Variants in DDX49 observed in about 807,000 individuals in gnomAD.
DDX49 encodes probable ATP-dependent RNA helicase DDX49.
DDX49 carries 50 observed loss-of-function variants against 56.3 expected under a neutral mutation model. That is an observed-to-expected ratio of 0.89 (90% CI 0.71 to 1.12). DDX49 has a LOEUF of 1.12. Among genes scored for constraint, DDX49 ranks in the 50% most tolerant of loss-of-function variants. DDX49 has a pLI of 0.00. For synonymous variants in DDX49, 269 were observed against 270.6 expected (o/e 0.99, Z 0.06); for missense variants, 614 against 650.5 (o/e 0.94, Z 0.61).
In DDX49 at chr19:18,922,396, TG is replaced by T. The variant is rs756207048; in HGVS notation, c.520del (p.Ala174ArgfsTer16). ...TDFTVDLEAILAAVPARRQTL... is the reference protein window; with the variant it reads ...TDFTVDLEAIXAAVPARRQTL... ...TTCACCGTGGACCTGGAGGCCATCC[TG>T]GCGGCTGTGCCGGCCCGCAGGCAGA... On this transcript the variant is annotated frameshift_variant, in exon 5 of 13. Transcript: ENST00000247003. LOFTEE classifies it high-confidence loss of function. The T allele has an allele frequency of 3.7e-6, 6 of 1,611,260 alleles. No homozygotes were observed. Among genetic ancestry groups the T allele is most frequent in the Non-Finnish European group, 5.1e-6 (6 of 1,179,636 alleles).
Position 18,924,907 on chromosome 19 carries a change from G to T in DDX49, c.955G>T (p.Val319Leu), listed in dbSNP as rs1302428215. The T allele has an allele frequency of 6.2e-7, 1 of 1,613,094 alleles. No individual in the cohort carries two copies. The change falls in exon 9 of 13, where the codon GTG becomes TTG. Residue 319 changes from valine to leucine, a missense_variant. Transcript: ENST00000247003. The stretch of plus-strand genomic sequence containing the variant: ...GGGCCTGGACATCCCTACGGTACAG[G>T]TGGTCATCAACCACAACACCCCCGG... The part of the protein sequence containing the change: ...SRGLDIPTVQ[V>L]VINHNTPGLP...
chr19:18,920,146 G>A (rs2056902351), intron 1 of DDX49, among the ~76,000 whole-genome samples: 1 of 152,164 alleles, frequency 6.6e-6, no homozygotes, highest in African/African-American at 2.4e-5. Flanking sequence ...CTGCAGACCT[G>A]GTACTGCTAT....
chr19:18,927,923 C>A (rs747169266), intron 11 of DDX49, 42 bp from the exon 12 acceptor site: 39 of 1,613,526 alleles, frequency 2.4e-5, no homozygotes, highest in Non-Finnish European at 3.2e-5. Flanking sequence ...CCAGGTGGGG[C>A]CCCCGTGACC....
At chr19:18,924,099 T>C (rs2056940936) in intron 6 of DDX49, 134 bp from the exon 7 acceptor site, 2 of 836,606 alleles carry the variant, frequency 2.4e-6, no homozygotes, top group Non-Finnish European at 2.0e-6. Flanking sequence ...TGAGCCACCG[T>C]GCCTGGCCTG....
At chr19:18,924,102 C>G in intron 6 of DDX49, 131 bp from the exon 7 acceptor site, 1 of 870,542 alleles carries the variant, frequency 1.1e-6, no homozygotes, top group Middle Eastern at 2.2e-4. Flanking sequence ...GCCACCGTGC[C>G]TGGCCTGCTG....
intron 10 of DDX49, among the ~76,000 whole-genome samples, chr19:18,926,743 C>T (rs1390684173): frequency 6.6e-6 from 1 of 152,158 alleles, no homozygotes; most frequent in Non-Finnish European, 1.5e-5. Flanking sequence ...CCTAAGGTAT[C>T]TCTGATCACT....
Position 18,928,205 on chromosome 19 carries a change from G to T in DDX49, c.1341G>T (p.Val447=). The change falls in exon 13 of 13, where the codon GTG becomes GTT. Residue 447 remains valine, a synonymous_variant. Coordinates refer to ENST00000247003, the MANE Select transcript of DDX49 (RefSeq NM_019070.5). ...KQKNRRFKEK[V]EETLKRQKAG... is the part of the protein sequence containing the mutation. ...AGAACCGGCGCTTCAAGGAGAAGGT[G>T]GAGGAGACGCTGAAGCGACAGAAGG... The T allele has an allele frequency of 6.3e-7, 1 of 1,586,402 alleles. No individual in the cohort carries two copies. The highest frequency in any genetic ancestry group is 2.3e-5 in the East Asian group (1 of 43,438).
At chr19:18,927,072 A>T (rs1472482292) in intron 10 of DDX49, among the ~76,000 whole-genome samples, 1 of 46,460 alleles carries the variant, frequency 2.2e-5, no homozygotes, top group East Asian at 3.0e-4. Flanking sequence ...CTCTGTCTCA[A>T]AAAAAAAAAA....
chr19:18,925,167 G>GAAGATCACTTGAACCCGGGAGGTTGCGGC lies in DDX49; in HGVS notation c.1027+192_1027+220dup. 6 of 884,210 alleles carry GAAGATCACTTGAACCCGGGAGGTTGCGGC rather than the reference G, an allele frequency of 6.8e-6. No homozygotes were observed. The South Asian group carries it at 9.1e-5, about 13-fold the overall frequency. The allele number at this position is 884,210 out of a possible 1,614,324, so 54.8% of individuals were successfully genotyped here. ...CCAGCTACTCGGGAGGCTGAGGCAA[G>GAAGATCACTTGAACCCGGGAGGTTGCGGC]AAGATCACTTGAACCCGGGAGGTTG... On this transcript the variant is annotated intron_variant, in intron 9 of 12. Transcript: ENST00000247003.
intron 6 of DDX49, 115 bp downstream of exon 6, chr19:18,922,859 G>A: frequency 3.0e-6 from 4 of 1,354,980 alleles, no homozygotes; most frequent in Non-Finnish European, 4.0e-6. Flanking sequence ...GCTCAGCCTG[G>A]AGGTCATGGG....
At chr19:18,922,983 G>A (rs2056931921) in intron 6 of DDX49, among the ~76,000 whole-genome samples, 1 of 152,218 alleles carries the variant, frequency 6.6e-6, no homozygotes, top group Non-Finnish European at 1.5e-5. Context: ...AGCTGTTTGA[G>A]CAGCCCATTT....
Position 18,928,419 on chromosome 19 carries a change from C to G in DDX49, c.*103C>G. 8.3e-7 allele frequency: 1 copy of G among 1,198,386 alleles called. No individual in the cohort carries two copies. The highest frequency in any genetic ancestry group is 1.1e-6 in the Non-Finnish European group (1 of 883,744). 74.2% of individuals were successfully genotyped at this position (1,198,386 alleles called of 1,614,324 possible). On this transcript the variant is annotated 3_prime_UTR_variant, in exon 13 of 13. Transcript: ENST00000247003. ...GCCCTTCCCGGGGGCCTACCCAGTG[C>G]CCCACAGCAGAACCCGTGGGCGCTC...
At chr19:18,919,913 C>A in intron 1 of DDX49, 57 bp downstream of exon 1, 1 of 1,331,778 alleles carries the variant, frequency 7.5e-7, no homozygotes, top group Non-Finnish European at 1.0e-6. Context: ...CGACTCCTTT[C>A]CCTTCTCGCA....
At chr19:18,926,231 G>A (rs1460886288) in intron 9 of DDX49, 72 bp from the exon 10 acceptor site, 5 of 1,468,754 alleles carry the variant, frequency 3.4e-6, no homozygotes, top group Middle Eastern at 1.7e-4. Flanking sequence ...CTGTGTAGCT[G>A]TCAGGATCTA....
intron 10 of DDX49, among the ~76,000 whole-genome samples, chr19:18,927,536 C>T (rs1396671793): frequency 6.6e-6 from 1 of 152,008 alleles, no homozygotes; most frequent in Non-Finnish European, 1.5e-5. Context: ...TGCAGTGAGC[C>T]GAGATAGTGC....
chr19:18,922,156 C>T (rs549126864), intron 4 of DDX49, 170 bp from the exon 5 acceptor site: 35 of 1,151,498 alleles, frequency 3.0e-5, no homozygotes, highest in African/African-American at 2.9e-4. Flanking sequence ...CAATGTTATT[C>T]GGGGGTAGGG....
chr19:18,920,486 C>T, intron 1 of DDX49, 94 bp from the exon 2 acceptor site: 2 of 1,362,886 alleles, frequency 1.5e-6, no homozygotes, highest in Non-Finnish European at 2.0e-6. Context: ...TCCAGTCCAG[C>T]CTGCCACTCA....
At position 18,924,277 on chromosome 19, in the gene DDX49, C is replaced by G; in HGVS notation, c.821C>G (p.Pro274Arg). 1 of 1,613,932 alleles carries G rather than the reference C, an allele frequency of 6.2e-7. No individual in the cohort carries two copies. Among genetic ancestry groups the G allele is most frequent in the South Asian group, 1.1e-5 (1 of 91,072 alleles). The change falls in exon 7 of 13, where the codon CCC becomes CGC. Residue 274 changes from proline (P) to arginine (R), a missense_variant. Physicochemically the swap from Pro to Arg is moderately radical, Grantham distance 103. Coordinates refer to ENST00000247003, the MANE Select transcript of DDX49 (RefSeq NM_019070.5). ...ATGATGCTGCGCAAATTCAGCTTCCCCACCGTGGCTCTGCACTCCATGATG... is the reference window on the plus strand; with the variant it reads ...ATGATGCTGCGCAAATTCAGCTTCCGCACCGTGGCTCTGCACTCCATGATG... ...LCMMLRKFSF[P>R]TVALHSMMKQ...
chr19:18,924,252 A>G lies in DDX49; in HGVS notation c.796A>G (p.Met266Val). ...NTCKTCQILCMMLRKFSFPTV... is the reference protein window; with the variant it reads ...NTCKTCQILCVMLRKFSFPTV... ...CGCCAGGACCTGCCAGATTCTGTGCATGATGCTGCGCAAATTCAGCTTCCC... is the reference window on the plus strand; with the variant it reads ...CGCCAGGACCTGCCAGATTCTGTGCGTGATGCTGCGCAAATTCAGCTTCCC... The change falls in exon 7 of 13, where the codon ATG (methionine) becomes GTG (valine). Residue 266 changes from methionine (M) to valine (V), a missense_variant. Transcript: ENST00000247003. 3 of 1,613,992 alleles carry G rather than the reference A, an allele frequency of 1.9e-6. No individual in the cohort carries two copies. The South Asian group carries it at 3.3e-5, about 18-fold the overall frequency.
Sources: gnomAD v4.1 joint callset for allele counts (sites outside exome capture counted in the v4.1 genomes callset) on GRCh38, gnomAD v4.1.1 for gene constraint, MANE v1.5 for transcripts, NCBI Gene and HGNC (gene_info 2026-07-23, HGNC 2026-07-21) for gene names.